Variants in RAB3D observed in about 807,000 individuals in gnomAD.
The protein encoded by RAB3D is ras-related protein Rab-3D.
In RAB3D, 17 loss-of-function variants were observed where a neutral mutation model predicts 19.3. The observed-to-expected ratio is 0.88, with a 90% confidence interval of 0.60 to 1.32. RAB3D has a LOEUF of 1.32. Ranked by LOEUF, RAB3D falls within the 40% of genes most tolerant of loss-of-function variation. The pLI is 0.00. For missense variants in RAB3D, 223 were observed against 299.1 expected, an observed-to-expected ratio of 0.75 and a Z score of 1.88; for synonymous variants, 103 against 119.9, an observed-to-expected ratio of 0.86 and a Z score of 0.92.
intron 2 of RAB3D, among the ~76,000 whole-genome samples, chr19:11,336,649 G>A (rs1966897622): frequency 6.6e-6 from 1 of 151,654 alleles, no homozygotes; most frequent in African/African-American, 2.4e-5. Flanking sequence ...TATCATCTCC[G>A]CAATCAGACC....
intron 1 of RAB3D, 114 bp from the exon 2 acceptor site, chr19:11,337,574 CTA>C (rs771162554): frequency 1.7e-6 from 1 of 591,990 alleles, no homozygotes; most frequent in Non-Finnish European, 3.0e-6. Flanking sequence ...CTTGCCCCCT[CTA>C]GACCTCAGTG....
intron 4 of RAB3D, among the ~76,000 whole-genome samples, chr19:11,327,292 A>C (rs1785838526): frequency 6.6e-6 from 1 of 152,142 alleles, no homozygotes; most frequent in African/African-American, 2.4e-5. Flanking sequence ...ATGAACTTAG[A>C]TCTCCTACTG....
chr19:11,325,286 T>A lies in RAB3D; in HGVS notation c.*112A>T. 1 of 696,234 alleles carries A rather than the reference T, an allele frequency of 1.4e-6. No homozygotes were observed. Among genetic ancestry groups the A allele is most frequent in the Non-Finnish European group, 2.4e-6 (1 of 423,084 alleles). The allele number at this position is 696,234 out of a possible 1,614,324, so 43.1% of individuals were successfully genotyped here. On this transcript the variant is annotated 3_prime_UTR_variant, in exon 5 of 5. Coordinates refer to ENST00000222120, the MANE Select transcript of RAB3D (RefSeq NM_004283.4). Reference sequence around the variant, plus strand: ...AGCCATGCAGGAGTCGGGGAGCAGTTGACAGGAGGGAAGGGATTGCCCTGA... The same window carrying A: ...AGCCATGCAGGAGTCGGGGAGCAGTAGACAGGAGGGAAGGGATTGCCCTGA...
intron 4 of RAB3D, among the ~76,000 whole-genome samples, chr19:11,334,497 A>G (rs2080845287): frequency 6.6e-6 from 1 of 151,798 alleles, no homozygotes; most frequent in South Asian, 2.1e-4. Flanking sequence ...ACCATAAAGA[A>G]CATCCCCTTG....
chr19:11,337,259 G>GA lies in RAB3D; in HGVS notation c.140dup (p.Thr48HisfsTer21). ...CCACAGTACTGACGAAGGCGGGAGTGAAGGAGTCGTCCGCGTATCGGAACA... is the reference window on the plus strand; with the variant it reads ...CCACAGTACTGACGAAGGCGGGAGTGAAAGGAGTCGTCCGCGTATCGGAACA... On this transcript the variant is annotated frameshift_variant, in exon 2 of 5. Transcript: ENST00000222120. LOFTEE classifies it high-confidence loss of function. 6 of 1,614,164 alleles carry GA rather than the reference G, an allele frequency of 3.7e-6. No homozygotes were observed. Among genetic ancestry groups the GA allele is most frequent in the Non-Finnish European group, 5.1e-6 (6 of 1,180,036 alleles).
chr19:11,328,376 G>C (rs1259450292), intron 4 of RAB3D, among the ~76,000 whole-genome samples: 2 of 150,702 alleles, frequency 1.3e-5, no homozygotes, highest in African/African-American at 4.9e-5. Context: ...GGGGTGCCAG[G>C]CGTGGTGGCT....
At chr19:11,335,323 A>G (rs1054918533) in intron 4 of RAB3D, 124 bp downstream of exon 4, 29 of 1,377,044 alleles carry the variant, frequency 2.1e-5, no homozygotes, top group Middle Eastern at 5.2e-4. Flanking sequence ...TGTGGCATAC[A>G]CATGGGTATC....
At chr19:11,332,807 G>A (rs1369948939) in intron 4 of RAB3D, among the ~76,000 whole-genome samples, 1 of 151,582 alleles carries the variant, frequency 6.6e-6, no homozygotes, top group Non-Finnish European at 1.5e-5. Context: ...AAAAGTGTAG[G>A]CCGGGACTAT....
At chr19:11,332,945 G>A (rs1310107829) in intron 4 of RAB3D, among the ~76,000 whole-genome samples, 1 of 152,134 alleles carries the variant, frequency 6.6e-6, no homozygotes, top group African/African-American at 2.4e-5. Flanking sequence ...TGCTGCAGCT[G>A]CATTTGTCAG....
At chr19:11,330,801 C>T (rs138185600) in intron 4 of RAB3D, among the ~76,000 whole-genome samples, 8,276 of 152,044 alleles carry the variant, frequency 0.054, 750 homozygotes, top group African/African-American at 0.19. Context: ...CCACCCGCCT[C>T]GGCCTCCCAA....
At chr19:11,328,429 AT>A (rs1383329643) in intron 4 of RAB3D, among the ~76,000 whole-genome samples, 2 of 150,822 alleles carry the variant, frequency 1.3e-5, no homozygotes, top group African/African-American at 4.9e-5. Context: ...AGGTGGGCGG[AT>A]CACGAGGTCA....
chr19:11,332,283 C>T (rs1265020742), intron 4 of RAB3D, among the ~76,000 whole-genome samples: 1 of 152,312 alleles, frequency 6.6e-6, no homozygotes, highest in Non-Finnish European at 1.5e-5. Context: ...CCGCCTGCCT[C>T]GGCCTCCCAA....
intron 4 of RAB3D, 28 bp from the exon 5 acceptor site, chr19:11,325,613 C>A: frequency 6.9e-7 from 1 of 1,449,432 alleles, no homozygotes; most frequent in Non-Finnish European, 9.0e-7. Context: ...TGGGGACACT[C>A]GTAAGACCCC....
chr19:11,334,610 G>A (rs62131131), intron 4 of RAB3D, among the ~76,000 whole-genome samples: 55 of 151,752 alleles, frequency 3.6e-4, no homozygotes, highest in Non-Finnish European at 6.5e-4. Flanking sequence ...GAAACATAGC[G>A]AGACCCTATC....
intron 4 of RAB3D, among the ~76,000 whole-genome samples, chr19:11,331,062 C>T (rs908214399): frequency 4.6e-5 from 7 of 151,220 alleles, no homozygotes; most frequent in African/African-American, 2.4e-5. Flanking sequence ...GAGGTTGAGG[C>T]GGGTGGATCA....
intron 4 of RAB3D, among the ~76,000 whole-genome samples, chr19:11,333,871 T>C (rs1192262032): frequency 6.6e-6 from 1 of 152,012 alleles, no homozygotes; most frequent in Non-Finnish European, 1.5e-5. Flanking sequence ...TTTTTGTGCA[T>C]TTTTAGTAGA....
chr19:11,328,657 A>G (rs745881672), intron 4 of RAB3D, among the ~76,000 whole-genome samples: 2 of 151,872 alleles, frequency 1.3e-5, no homozygotes, highest in Non-Finnish European at 2.9e-5. Flanking sequence ...AAATAAATAA[A>G]TAAATAAATA....
intron 4 of RAB3D, among the ~76,000 whole-genome samples, chr19:11,331,198 G>A (rs1447033316): frequency 1.3e-5 from 2 of 151,860 alleles, no homozygotes; most frequent in Admixed American, 1.3e-4. Context: ...AGGAGGCTGA[G>A]GCAAGAGAAT....
chr19:11,325,961 C>T (rs1315389113), intron 4 of RAB3D, among the ~76,000 whole-genome samples: 1 of 151,994 alleles, frequency 6.6e-6, no homozygotes, highest in African/African-American at 2.4e-5. Flanking sequence ...AGGCTCATGC[C>T]TATAATCCCA....
Sources: gnomAD v4.1 joint callset for allele counts (sites outside exome capture counted in the v4.1 genomes callset) on GRCh38, gnomAD v4.1.1 for gene constraint, MANE v1.5 for transcripts, NCBI Gene and HGNC (gene_info 2026-07-23, HGNC 2026-07-21) for gene names.